The following ITGA11 variants were observed in gnomAD, a reference collection of about 807,000 sequenced individuals.
ITGA11 encodes integrin alpha-11.
In ITGA11, 97 loss-of-function variants were observed where a neutral mutation model predicts 141.9. The ratio of observed to expected loss-of-function variants is 0.68; its 90% CI spans 0.58 to 0.81. The LOEUF (loss-of-function observed/expected upper bound fraction) is 0.81. Among genes scored for constraint, ITGA11 ranks in the 30% least tolerant of loss-of-function variants. ITGA11 has a pLI of 0.00. For missense variants in ITGA11, 1,387 were observed against 1,559.2 expected (o/e 0.89, Z 1.86); for synonymous variants, 658 against 624.6 (o/e 1.05, Z -0.80).
rs1467308938 is a variant in ITGA11 at position 68,298,286 on chromosome 15, T to G, written c.*4773A>C. The G allele has an allele frequency of 6.6e-6, 1 of 152,202 alleles. No homozygotes were observed. Among genetic ancestry groups the G allele is most frequent in the Non-Finnish European group, 1.5e-5 (1 of 68,042 alleles). 9.4% of individuals were successfully genotyped at this position (152,202 alleles called of 1,614,324 possible). ...CCTGTGCTTTAGAAATTTGGTGTGCTCAGTCCATCAGAGGGGCGGACTGGG... is the reference window on the plus strand; with the variant it reads ...CCTGTGCTTTAGAAATTTGGTGTGCGCAGTCCATCAGAGGGGCGGACTGGG... On this transcript the variant is annotated 3_prime_UTR_variant, in exon 30 of 30. Coordinates refer to ENST00000315757, the MANE Select transcript of ITGA11 (RefSeq NM_001004439.2).
chr15:68,314,648 C>T (rs1893508606), intron 22 of ITGA11, among the ~76,000 whole-genome samples: 1 of 152,192 alleles, frequency 6.6e-6, no homozygotes, highest in African/African-American at 2.4e-5. Context: ...AGAGACACTG[C>T]TCTGCAAGCG....
chr15:68,365,172 C>A (rs1314587102), intron 3 of ITGA11: 2 of 985,308 alleles, frequency 2.0e-6, no homozygotes, highest in Non-Finnish European at 2.4e-6. Flanking sequence ...TGTGCAGTAT[C>A]CCCGCTACGC....
In ITGA11 at chr15:68,335,098, T is replaced by TCA. The variant is rs1595864825; in HGVS notation, c.1425+598_1425+599insTG. Among the ~76,000 whole-genome samples, 5 of 152,150 alleles carry TCA rather than the reference T, an allele frequency of 3.3e-5. No homozygotes were observed. In the East Asian group the frequency reaches 7.7e-4, roughly 24 times the overall value. On this transcript the variant is annotated intron_variant, in intron 12 of 29. Transcript: ENST00000315757. This position sits in a 1 kb window ranked among gnomAD's most constrained non-coding sequence, Gnocchi z 4.9. ...GAGCTGGGGACAACATGGAAGGGCC[T>TCA]GGACAGCACTCAGCTCTGGCCTAGA... is the stretch of plus-strand genomic sequence containing the variant.
chr15:68,407,381 A>G (rs1896673220), intron 1 of ITGA11, among the ~76,000 whole-genome samples: 1 of 152,166 alleles, frequency 6.6e-6, no homozygotes, highest in African/African-American at 2.4e-5. Context: ...AACCGAACCA[A>G]CCAGAGAGTG....
chr15:68,381,701 G>A lies in ITGA11; in HGVS notation c.165-12417C>T, dbSNP rs1041116530. Reference sequence around the variant, plus strand: ...CTCCCGAGTAGCTGGGATTATAGGCGCTCACTGCCATGCCCAACTAAATTT... The same window carrying A: ...CTCCCGAGTAGCTGGGATTATAGGCACTCACTGCCATGCCCAACTAAATTT... On this transcript the variant is annotated intron_variant, in intron 2 of 29. Coordinates refer to ENST00000315757, the MANE Select transcript of ITGA11 (RefSeq NM_001004439.2). 3.3e-5 allele frequency among the ~76,000 whole-genome samples: 5 copies of A among 152,046 alleles called. 1 individual carries two copies. The highest frequency in any genetic ancestry group is 1.9e-4 in the East Asian group (1 of 5,178).
At chr15:68,407,872 T>C (rs1247522885) in intron 1 of ITGA11, among the ~76,000 whole-genome samples, 1 of 152,236 alleles carries the variant, frequency 6.6e-6, no homozygotes, top group Non-Finnish European at 1.5e-5. Flanking sequence ...AGGGCAGTCC[T>C]GGTCCCAGGT....
chr15:68,315,744 G>T lies in ITGA11; in HGVS notation c.2716-17C>A, dbSNP rs200598910. ...GAAAGCCACCTGCAAGGAAGCAGTC[G>T]CATGTCTGGGCATTGCTGGGACCAG... On this transcript the variant is annotated splice_polypyrimidine_tract_variant and intron_variant, in intron 21 of 29. Transcript: ENST00000315757. 5 of 1,591,352 alleles carry T rather than the reference G, an allele frequency of 3.1e-6. No individual in the cohort carries two copies. The highest frequency in any genetic ancestry group is 3.5e-5 in the Admixed American group (2 of 57,962).
Position 68,322,322 on chromosome 15 carries a change from GGGAGAAT to G in ITGA11, c.2323-826_2323-820del, listed in dbSNP as rs1893838868. Among the ~76,000 whole-genome samples the G allele has an allele frequency of 6.6e-6, 1 of 152,192 alleles. No homozygotes were observed. The highest frequency in any genetic ancestry group is 2.1e-4 in the South Asian group (1 of 4,830). The stretch of plus-strand genomic sequence containing the variant: ...TGCTGAAGGCTGCCCTGGCTGCTGT[GGGAGAAT>G]GGAGTGAGAAGATGGAGGCTCGAGG... On this transcript the variant is annotated intron_variant, in intron 18 of 29. Coordinates refer to ENST00000315757, the MANE Select transcript of ITGA11 (RefSeq NM_001004439.2). This position sits in a 1 kb window ranked among gnomAD's most constrained non-coding sequence, Gnocchi z 5.6.
Position 68,301,315 on chromosome 15 carries a change from A to G in ITGA11, c.*1744T>C, listed in dbSNP as rs368398613. ...GAATCCAAGACATGAATGGCACAAG[A>G]ACAGAATGGAGACGCCTTGGCTGAT... On this transcript the variant is annotated 3_prime_UTR_variant, in exon 30 of 30. Transcript: ENST00000315757. This position sits in a 1 kb window ranked among gnomAD's most constrained non-coding sequence, Gnocchi z 4.4. 35 of 152,398 alleles carry G rather than the reference A, an allele frequency of 2.3e-4. No homozygotes were observed. Among genetic ancestry groups the G allele is most frequent in the African/African-American group, 8.4e-4 (35 of 41,596 alleles). 9.4% of individuals were successfully genotyped at this position (152,398 alleles called of 1,614,324 possible).
rs1248631625 is a variant in ITGA11, at chr15:68,297,341, G to C, written c.*5718C>G. 6.7e-6 allele frequency: 1 copy of C among 150,188 alleles called. No individual in the cohort carries two copies. The highest frequency in any genetic ancestry group is 2.4e-5 in the African/African-American group (1 of 40,962). 9.3% of individuals were successfully genotyped at this position (150,188 alleles called of 1,614,324 possible). A position where few individuals can be genotyped will look rare whatever the true frequency, so the allele number is the denominator to read the frequency against. ...TTACGTGTTTATTTTTCCAGATGAA[G>C]TTTGGTGTAATTTTATCATGTTAAG... On this transcript the variant is annotated 3_prime_UTR_variant, in exon 30 of 30. Transcript: ENST00000315757.
intron 10 of ITGA11, 92 bp from the exon 11 acceptor site, chr15:68,339,736 C>G (rs985804149): frequency 1.4e-6 from 2 of 1,468,098 alleles, no homozygotes; most frequent in African/African-American, 2.8e-5. Flanking sequence ...GACGCCTCCA[C>G]CAGCCACCTC....
At chr15:68,426,951 G>A (rs1285947440) in intron 1 of ITGA11, among the ~76,000 whole-genome samples, 1 of 148,780 alleles carries the variant, frequency 6.7e-6, no homozygotes, top group Non-Finnish European at 1.5e-5. Flanking sequence ...GGAGGTGGAG[G>A]TTGCAATGAG....
chr15:68,319,161 G>A (rs1010123991), intron 20 of ITGA11, among the ~76,000 whole-genome samples: 5 of 152,242 alleles, frequency 3.3e-5, no homozygotes, highest in East Asian at 1.9e-4. Context: ...GTCACATAGC[G>A]CAGGCTCAGG....
intron 2 of ITGA11, among the ~76,000 whole-genome samples, chr15:68,382,322 C>T (rs1895882967): frequency 6.6e-6 from 1 of 152,218 alleles, no homozygotes; most frequent in Non-Finnish European, 1.5e-5. Context: ...GGTGAGCCAT[C>T]CCGGAGCTGG....
At chr15:68,380,360 T>C (rs942705678) in intron 2 of ITGA11, among the ~76,000 whole-genome samples, 3 of 152,134 alleles carry the variant, frequency 2.0e-5, no homozygotes, top group Non-Finnish European at 4.4e-5. Flanking sequence ...AGCCTCAGTT[T>C]CCCCATCTGT....
chr15:68,334,315 C>T (rs1894274672), intron 12 of ITGA11, among the ~76,000 whole-genome samples: 1 of 152,348 alleles, frequency 6.6e-6, no homozygotes, highest in East Asian at 1.9e-4. Context: ...GAGCCCCATG[C>T]TGCTAGGAGA....
intron 4 of ITGA11, 28 bp downstream of exon 4, chr15:68,364,671 CTCTCCTGA>C: frequency 1.3e-6 from 2 of 1,505,822 alleles, no homozygotes; most frequent in Non-Finnish European, 1.8e-6. Context: ...CCACCCCTGC[CTCTCCTGA>C]CCCCAAGCAG....
intron 1 of ITGA11, among the ~76,000 whole-genome samples, chr15:68,410,812 G>A (rs1236064858): frequency 3.9e-5 from 6 of 152,340 alleles, no homozygotes; most frequent in African/African-American, 1.4e-4. Context: ...GGGGTGAGGG[G>A]ACGTGGTCCC....
In ITGA11 at chr15:68,315,770, C is replaced by T. The variant is rs1428992300; in HGVS notation, c.2716-43G>A. On this transcript the variant is annotated intron_variant, in intron 21 of 29. Transcript: ENST00000315757. The stretch of plus-strand genomic sequence containing the variant: ...CATGTCTGGGCATTGCTGGGACCAG[C>T]CCCGCCCACTCCCCACAGCCCACTC... 7.4e-6 allele frequency: 11 copies of T among 1,494,724 alleles called. No homozygotes were observed. The Admixed American group carries it at 1.9e-4, about 26-fold the overall frequency. The allele number at this position is 1,494,724 out of a possible 1,614,324, so 92.6% of individuals were successfully genotyped here.
Sources: gnomAD v4.1 joint callset for allele counts (sites outside exome capture counted in the v4.1 genomes callset) on GRCh38, gnomAD v4.1.1 for gene constraint, Gnocchi (gnomAD v3.1) non-coding constraint, MANE v1.5 for transcripts, NCBI Gene and HGNC (gene_info 2026-07-23, HGNC 2026-07-21) for gene names.